Variants in TCEA3 observed in about 807,000 individuals in gnomAD.
TCEA3 encodes transcription elongation factor A protein 3.
A neutral mutation model predicts 44.0 loss-of-function variants in TCEA3; 36 were observed. The ratio of observed to expected loss-of-function variants is 0.82; its 90% confidence interval spans 0.63 to 1.08. The LOEUF is 1.08. Among genes scored for constraint, TCEA3 ranks in the 50% least tolerant of loss-of-function variants. TCEA3 has a pLI of 0.00. For missense variants in TCEA3, 392 were observed against 441.2 expected (o/e 0.89, Z 1.00); for synonymous variants, 162 against 159.7 (o/e 1.01, Z -0.11).
intron 4 of TCEA3, among the ~76,000 whole-genome samples, chr1:23,412,848 C>T (rs964861650): frequency 6.6e-6 from 1 of 152,172 alleles, no homozygotes; most frequent in African/African-American, 2.4e-5. Context: ...CATGCTTATT[C>T]TAAGTTTCAC....
At chr1:23,392,475 C>CA (rs796674857) in intron 8 of TCEA3, among the ~76,000 whole-genome samples, 301 of 11,712 alleles carry the variant, frequency 0.026, no homozygotes, top group South Asian at 0.031. Flanking sequence ...ATCATACACA[C>CA]CACACACTCC....
chr1:23,384,346 C>A lies in TCEA3; in HGVS notation c.1038G>T (p.Lys346Asn), dbSNP rs751647597. The A allele has an allele frequency of 6.2e-7, 1 of 1,613,964 alleles. No individual in the cohort carries two copies. The highest frequency in any genetic ancestry group is 1.1e-5 in the South Asian group (1 of 91,064). ...VLCNECGNRW[K>N]FC Reference sequence around the variant, plus strand: ...GGGGGAAATACATAAACATACAGACCTTCCAGCGATTGCCACATTCATTGC... The same window carrying A: ...GGGGGAAATACATAAACATACAGACATTCCAGCGATTGCCACATTCATTGC... Residue 346 changes from lysine to asparagine, a missense_variant and splice_region_variant, in exon 10 of 11, where the codon AAG (lysine) becomes AAT (asparagine). Physicochemically the swap from Lys to Asn is moderately conservative, Grantham distance 94 (BLOSUM62 0). Transcript: ENST00000450454.
intron 1 of TCEA3, among the ~76,000 whole-genome samples, chr1:23,421,916 T>C (rs1640076314): frequency 6.6e-6 from 1 of 152,216 alleles, no homozygotes; most frequent in South Asian, 2.1e-4. Context: ...CACAGCTGTA[T>C]AACTGGGTCA....
At chr1:23,381,673 AATG>A (rs1182584489) in intron 10 of TCEA3, among the ~76,000 whole-genome samples, 199 bp from the exon 11 acceptor site, 3 of 152,226 alleles carry the variant, frequency 2.0e-5, no homozygotes, top group African/African-American at 7.2e-5. Flanking sequence ...TGAATGTGAG[AATG>A]ATATCAGGTA....
intron 5 of TCEA3, among the ~76,000 whole-genome samples, chr1:23,402,031 A>T (rs1017073400): frequency 6.6e-6 from 1 of 152,142 alleles, no homozygotes; most frequent in Non-Finnish European, 1.5e-5. Context: ...ACAGCTTCCA[A>T]TTATTTTTAG....
chr1:23,399,144 G>GTATATATGTATATATA (rs1553167290), intron 5 of TCEA3, among the ~76,000 whole-genome samples: 11 of 61,156 alleles, frequency 1.8e-4, no homozygotes, highest in Non-Finnish European at 3.5e-4. Flanking sequence ...ATGTATATAT[G>GTATATATGTATATATA]TATATATATA....
intron 4 of TCEA3, chr1:23,410,980 G>A (rs759327335): frequency 2.0e-5 from 4 of 197,226 alleles, no homozygotes; most frequent in Non-Finnish European, 4.4e-5. Flanking sequence ...CAGATGGAAG[G>A]AAATACTCCA....
chr1:23,399,163 T>C (rs998475262), intron 5 of TCEA3, among the ~76,000 whole-genome samples: 1 of 137,986 alleles, frequency 7.2e-6, no homozygotes, highest in Non-Finnish European at 1.6e-5. Flanking sequence ...TATATATATA[T>C]ATATATATAT....
intron 7 of TCEA3, among the ~76,000 whole-genome samples, chr1:23,395,538 C>T (rs976330374): frequency 2.6e-5 from 4 of 152,162 alleles, no homozygotes; most frequent in African/African-American, 9.7e-5. Flanking sequence ...AGAAGAGGGA[C>T]ATTCAGGCTG....
At chr1:23,416,138 C>G (rs1225161131) in intron 4 of TCEA3, among the ~76,000 whole-genome samples, 2 of 151,432 alleles carry the variant, frequency 1.3e-5, no homozygotes, top group African/African-American at 4.9e-5. Context: ...TCCCGAGTAG[C>G]TGGGATTACA....
intron 5 of TCEA3, among the ~76,000 whole-genome samples, chr1:23,400,039 T>C (rs72882955): frequency 0.01 from 1,573 of 152,230 alleles, 36 homozygotes; most frequent in African/African-American, 0.035. Context: ...ATGGGCAATG[T>C]CAAAGGGCTC....
intron 5 of TCEA3, among the ~76,000 whole-genome samples, chr1:23,400,194 TA>T (rs1387633535): frequency 6.6e-6 from 1 of 152,190 alleles, no homozygotes; most frequent in Non-Finnish European, 1.5e-5. Context: ...TTCTTTTTGG[TA>T]ACCCTAAAAG....
At chr1:23,404,757 G>A (rs1344663338) in intron 5 of TCEA3, among the ~76,000 whole-genome samples, 2 of 151,964 alleles carry the variant, frequency 1.3e-5, no homozygotes, top group Non-Finnish European at 2.9e-5. Flanking sequence ...CCAGGAGTTC[G>A]AGACCAGCCT....
intron 4 of TCEA3, among the ~76,000 whole-genome samples, chr1:23,416,000 CTTTTTTT>C (rs768819564): frequency 1.8e-4 from 21 of 118,706 alleles, no homozygotes; most frequent in East Asian, 1.5e-3. Flanking sequence ...CTACATTTTC[CTTTTTTT>C]TTTTTTTTTT....
chr1:23,414,155 C>T (rs1459242899), intron 4 of TCEA3, among the ~76,000 whole-genome samples: 2 of 148,270 alleles, frequency 1.3e-5, no homozygotes, highest in African/African-American at 2.5e-5. Flanking sequence ...GGCACGCTCT[C>T]AGCTCACTGA....
intron 8 of TCEA3, among the ~76,000 whole-genome samples, chr1:23,388,199 CTTTTT>C (rs148219602): frequency 7.2e-6 from 1 of 138,642 alleles, no homozygotes; most frequent in African/African-American, 2.7e-5. Context: ...GGATTTTAAA[CTTTTT>C]TTTTTTTTTT....
At chr1:23,382,479 C>CT (rs375291698) in intron 10 of TCEA3, among the ~76,000 whole-genome samples, 19 of 152,226 alleles carry the variant, frequency 1.2e-4, no homozygotes, top group African/African-American at 4.6e-4. Context: ...GTACTCAGGG[C>CT]TTTTTTTGTA....
intron 5 of TCEA3, among the ~76,000 whole-genome samples, chr1:23,399,136 GTATATATGTATATATATATATA>G (rs1296134086): frequency 1.5e-3 from 90 of 58,688 alleles, no homozygotes; most frequent in East Asian, 9.2e-3. Flanking sequence ...TTATATATAT[GTATATATGTATATATATATATA>G]TATATATATA....
chr1:23,386,013 A>G (rs1442212744), intron 9 of TCEA3, among the ~76,000 whole-genome samples: 1 of 152,140 alleles, frequency 6.6e-6, no homozygotes, highest in Admixed American at 6.5e-5. Flanking sequence ...CCAACTGTCT[A>G]TGACTCTTCA....
Sources: gnomAD v4.1 joint callset for allele counts (sites outside exome capture counted in the v4.1 genomes callset) on GRCh38, gnomAD v4.1.1 for gene constraint, MANE v1.5 for transcripts, NCBI Gene and HGNC (gene_info 2026-07-23, HGNC 2026-07-21) for gene names.